Variants in UCK1 observed in about 807,000 individuals in gnomAD.
UCK1 encodes cytidine monophosphokinase 1.
Under a neutral mutation model 34.0 loss-of-function variants are expected in UCK1, and 20 were observed. That is an observed-to-expected ratio of 0.59 (90% CI 0.41 to 0.86). The LOEUF (loss-of-function observed/expected upper bound fraction) is 0.86, where lower values mean the gene tolerates loss of function less well. Ranked by LOEUF, UCK1 falls within the 40% of genes least tolerant of loss-of-function variation. The probability of loss-of-function intolerance (pLI) is 0.00; values close to 1 mark genes in which losing one functional copy is unlikely to be tolerated. For synonymous variants in UCK1, 168 were observed against 155.9 expected (o/e 1.08, Z -0.58); for missense variants, 343 against 383.6 (o/e 0.89, Z 0.88).
In UCK1 at chr9:131,529,002, T is replaced by C. The variant is rs763830215; in HGVS notation, c.545A>G (p.Gln182Arg). ...RDVRRGRDLEQILTQYTTFVK... is the reference protein window; with the variant it reads ...RDVRRGRDLERILTQYTTFVK... ...GAAGGTGGTGTACTGCGTCAGAATC[T>C]GCTCCAGGTCCCTCCCTCGGCGCAC... is the stretch of plus-strand genomic sequence containing the variant. The change falls in exon 5 of 7, where the codon CAG becomes CGG. Residue 182 changes from glutamine to arginine, a missense_variant. By Grantham distance (43) the Gln-to-Arg change is conservative. Transcript: ENST00000372215. 6.2e-7 allele frequency: 1 copy of C among 1,614,132 alleles called. No homozygotes were observed. Among genetic ancestry groups the C allele is most frequent in the Non-Finnish European group, 8.5e-7 (1 of 1,180,020 alleles).
At chr9:131,525,350 C>T in intron 6 of UCK1, 129 bp from the exon 7 acceptor site, 1 of 1,113,734 alleles carries the variant, frequency 9.0e-7, no homozygotes, top group Non-Finnish European at 1.3e-6. Context: ...CGGCGAGGGG[C>T]ATCGAGTCAA....
intron 2 of UCK1, among the ~76,000 whole-genome samples, 169 bp from the exon 3 acceptor site, chr9:131,529,753 T>C (rs551493172): frequency 1.3e-4 from 19 of 151,848 alleles, no homozygotes; most frequent in African/African-American, 4.6e-4. Context: ...CAGTGCCCTC[T>C]GCAGCCCTGC....
At chr9:131,526,180 C>G (rs761941369) in intron 5 of UCK1, 14 of 687,430 alleles carry the variant, frequency 2.0e-5, no homozygotes, top group Non-Finnish European at 3.2e-5. Flanking sequence ...GAAAGTGCAG[C>G]TGAGGCAGCC....
chr9:131,529,689 C>T (rs967911486), intron 2 of UCK1, 105 bp from the exon 3 acceptor site: 8 of 995,474 alleles, frequency 8.0e-6, no homozygotes, highest in East Asian at 2.4e-5. Flanking sequence ...CTGGGGACAC[C>T]GAGAACCCTA....
At chr9:131,525,372 C>G (rs971025989) in intron 6 of UCK1, 151 bp from the exon 7 acceptor site, 1 of 864,200 alleles carries the variant, frequency 1.2e-6, no homozygotes, top group Non-Finnish European at 1.8e-6. Flanking sequence ...TCTCAGCAGA[C>G]AGAAACATGC....
At chr9:131,528,129 G>A (rs183946866) in intron 5 of UCK1, among the ~76,000 whole-genome samples, 8 of 151,194 alleles carry the variant, frequency 5.3e-5, no homozygotes, top group East Asian at 3.9e-4. Flanking sequence ...AGCCGAGATC[G>A]TGCCATTGCA....
rs929387854 is a variant in UCK1, at chr9:131,526,077, G to C, written c.604-100C>G. ...TGCAACAGCAGGAGGGGCGGCCCTG[G>C]GGTGCTCAGAGGTGCTGGTGTCATC... On this transcript the variant is annotated intron_variant, in intron 5 of 6. Transcript: ENST00000372215. The C allele has an allele frequency of 3.4e-5, 48 of 1,427,586 alleles. 1 individual carries two copies. The highest frequency in any genetic ancestry group is 4.3e-5 in the Non-Finnish European group (44 of 1,015,620). 88.4% of individuals were successfully genotyped at this position (1,427,586 alleles called of 1,614,324 possible).
At position 131,524,978 on chromosome 9, in the gene UCK1, C is replaced by G; in HGVS notation, c.*62G>C. 9 of 1,560,334 alleles carry G rather than the reference C, an allele frequency of 5.8e-6. No individual in the cohort carries two copies. In the South Asian group the frequency reaches 1.1e-4, roughly 18 times the overall value. Reference sequence around the variant, plus strand: ...AAGCAGTGGGTGTGGGTGGGCGTCCCCAGGCTCAGTCCCTGAACACACATG... The same window carrying G: ...AAGCAGTGGGTGTGGGTGGGCGTCCGCAGGCTCAGTCCCTGAACACACATG... On this transcript the variant is annotated 3_prime_UTR_variant, in exon 7 of 7. Coordinates refer to ENST00000372215, the MANE Select transcript of UCK1 (RefSeq NM_031432.5).
At chr9:131,526,673 C>T (rs937758375) in intron 5 of UCK1, among the ~76,000 whole-genome samples, 7 of 152,180 alleles carry the variant, frequency 4.6e-5, no homozygotes, top group African/African-American at 7.2e-5. Flanking sequence ...GGGTCTGGGC[C>T]GAAGGACGGA....
intron 5 of UCK1, among the ~76,000 whole-genome samples, chr9:131,528,565 T>C (rs1402715207): frequency 2.0e-5 from 3 of 152,136 alleles, no homozygotes; most frequent in African/African-American, 7.2e-5. Context: ...TTCCCCACTC[T>C]GCGGGGAATA....
chr9:131,530,772 CA>C, intron 1 of UCK1, 127 bp from the exon 2 acceptor site: 2 of 1,541,610 alleles, frequency 1.3e-6, no homozygotes, highest in Non-Finnish European at 1.8e-6. Flanking sequence ...AGGACACCAA[CA>C]GGTGTGGATG....
In UCK1 at chr9:131,524,810, A is replaced by C; in HGVS notation, c.*230T>G. 4 of 528,760 alleles carry C rather than the reference A, an allele frequency of 7.6e-6. No individual in the cohort carries two copies. Among genetic ancestry groups the C allele is most frequent in the Non-Finnish European group, 3.3e-6 (1 of 301,400 alleles). 32.8% of individuals were successfully genotyped at this position (528,760 alleles called of 1,614,324 possible). A position where few individuals can be genotyped will look rare whatever the true frequency, so the allele number is the denominator to read the frequency against. ...TCTCAGTGACCTAGAGGGATCTTTAAACCGCAACGAGCCTAAGTGGCTGAA... is the reference window on the plus strand; with the variant it reads ...TCTCAGTGACCTAGAGGGATCTTTACACCGCAACGAGCCTAAGTGGCTGAA... On this transcript the variant is annotated 3_prime_UTR_variant, in exon 7 of 7. Transcript: ENST00000372215.
Position 131,530,487 on chromosome 9 carries a change from T to A in UCK1, c.267A>T (p.Pro89=). 1.2e-6 allele frequency: 2 copies of A among 1,614,020 alleles called. No individual in the cohort carries two copies. Among genetic ancestry groups the A allele is most frequent in the Non-Finnish European group, 1.7e-6 (2 of 1,179,838 alleles). ...CACATCGTTGGGCTCGCGATTTACC[T>A]GGATGGTCAAAATTGTACTGTCCTT... The part of the protein sequence containing the change: ...ALKGQYNFDH[P]DAFDNDLMHR... Residue 89 remains proline, a splice_region_variant and synonymous_variant, in exon 2 of 7, where the codon CCA becomes CCT. Transcript: ENST00000372215.
Position 131,530,531 on chromosome 9 carries a change from G to A in UCK1, c.223C>T (p.Gln75Ter), listed in dbSNP as rs1254625072. 2.5e-6 allele frequency: 4 copies of A among 1,614,254 alleles called. No individual in the cohort carries two copies. The highest frequency in any genetic ancestry group is 2.2e-5 in the East Asian group (1 of 44,886). Residue 75 changes from glutamine to a stop codon, truncating the protein, a stop_gained, in exon 2 of 7, where the codon CAG (glutamine) becomes TAG (stop). Transcript: ENST00000372215. LOFTEE classifies it high-confidence loss of function. ...DRFYKVLTAE[Q>*]KAKALKGQYN... ...TGTCCTTTCAAGGCCTTGGCCTTCT[G>A]CTCTGCCGTCAGGACCTTGTAGAAC...
chr9:131,528,918 G>A (rs781091370), intron 5 of UCK1, 26 bp downstream of exon 5: 3 of 1,612,308 alleles, frequency 1.9e-6, no homozygotes, highest in Non-Finnish European at 2.5e-6. Flanking sequence ...GGGGAAAATG[G>A]GCTCTGAAGC....
intron 1 of UCK1, 180 bp from the exon 2 acceptor site, chr9:131,530,825 G>T: frequency 8.4e-7 from 1 of 1,186,212 alleles, no homozygotes; most frequent in Non-Finnish European, 1.2e-6. Context: ...GGGTTAGCAC[G>T]GACTTGGGGC....
intron 4 of UCK1, 23 bp downstream of exon 4, chr9:131,529,105 A>G (rs771503481): frequency 6.2e-7 from 1 of 1,613,216 alleles, no homozygotes; most frequent in South Asian, 1.1e-5. Context: ...CCAGGCAGGC[A>G]CGGAGGCCCG....
chr9:131,529,620 G>A (rs780008774), intron 2 of UCK1, 36 bp from the exon 3 acceptor site: 2 of 1,600,486 alleles, frequency 1.2e-6, no homozygotes, highest in Non-Finnish European at 8.6e-7. Flanking sequence ...ACAGGCAGAT[G>A]CCCTCGTGCA....
At chr9:131,526,408 A>G (rs560396354) in intron 5 of UCK1, 20 of 1,294,466 alleles carry the variant, frequency 1.5e-5, no homozygotes, top group Admixed American at 4.6e-5. Context: ...GCCGCCGTGC[A>G]TAATTACTGC....
Sources: allele counts gnomAD v4.1 joint callset (sites outside exome capture counted in the v4.1 genomes callset), GRCh38; gene constraint gnomAD v4.1.1; transcripts MANE v1.5; gene names NCBI Gene and HGNC (gene_info 2026-07-23, HGNC 2026-07-21).